The following CX3CR1 variants were observed in gnomAD, a reference collection of about 807,000 sequenced individuals.
The protein encoded by CX3CR1 is CX3C chemokine receptor 1.
For synonymous variants in CX3CR1, 168 were observed against 178.5 expected (o/e 0.94, Z 0.47); for missense variants, 363 against 432.4 (o/e 0.84, Z 1.42).
At chr3:39,284,963 G>A (rs892102539), upstream of CX3CR1, among the ~76,000 whole-genome samples, 2 of 152,152 alleles carry the variant, frequency 1.3e-5, no homozygotes, top group South Asian at 4.1e-4. Flanking sequence ...TTGACAAGTC[G>A]AAAGCAATAT....
the CX3CR1 span, among the ~76,000 whole-genome samples, chr3:39,292,857 G>A: frequency 6.6e-6 from 1 of 152,164 alleles, no homozygotes; most frequent in African/African-American, 2.4e-5. Flanking sequence ...GCACAAACTG[G>A]CATCTGTCTG....
intron 1 of CX3CR1, among the ~76,000 whole-genome samples, chr3:39,273,095 T>A (rs1319075641): frequency 6.6e-6 from 1 of 152,272 alleles, no homozygotes; most frequent in African/African-American, 2.4e-5. Flanking sequence ...CACAATGCTT[T>A]TCTCCCTGGA....
intron 1 of CX3CR1, among the ~76,000 whole-genome samples, chr3:39,269,255 A>G (rs575611870): frequency 6.6e-6 from 1 of 152,326 alleles, no homozygotes; most frequent in East Asian, 1.9e-4. Context: ...AAGGAAGGGA[A>G]AGTTAGAAAT....
At chr3:39,274,036 A>G (rs533646255) in intron 1 of CX3CR1, among the ~76,000 whole-genome samples, 1 of 152,320 alleles carries the variant, frequency 6.6e-6, no homozygotes, top group East Asian at 1.9e-4. Context: ...TGACACTTCT[A>G]CACTTCTGGG....
At chr3:39,271,741 C>A (rs1184314694) in intron 1 of CX3CR1, among the ~76,000 whole-genome samples, 2 of 152,172 alleles carry the variant, frequency 1.3e-5, no homozygotes, top group Non-Finnish European at 2.9e-5. Flanking sequence ...GTGAAGGCAC[C>A]ATTTACATAA....
chr3:39,289,276 C>T, the CX3CR1 span, among the ~76,000 whole-genome samples: 14 of 151,874 alleles, frequency 9.2e-5, no homozygotes, highest in African/African-American at 1.9e-4. Context: ...ATCTGTGTTC[C>T]GGGGATACAA....
upstream of CX3CR1, chr3:39,280,288 T>C: frequency 2.0e-6 from 2 of 985,608 alleles, no homozygotes; most frequent in Non-Finnish European, 1.2e-6. Flanking sequence ...GGCCCTGCAG[T>C]CAGCAAAGCA....
chr3:39,278,661 T>C (rs2040866080), intron 1 of CX3CR1, among the ~76,000 whole-genome samples: 2 of 147,670 alleles, frequency 1.4e-5, no homozygotes, highest in South Asian at 4.3e-4. Flanking sequence ...TTTTCTTTTT[T>C]TTTTTTTTTT....
chr3:39,292,254 C>T, the CX3CR1 span, among the ~76,000 whole-genome samples: 3 of 152,176 alleles, frequency 2.0e-5, no homozygotes, highest in African/African-American at 7.2e-5. Flanking sequence ...GAGATGAAGG[C>T]AGAGTTTACC....
chr3:39,274,702 G>C (rs986998995), intron 1 of CX3CR1, among the ~76,000 whole-genome samples: 6 of 151,974 alleles, frequency 3.9e-5, no homozygotes, highest in African/African-American at 7.2e-5. Context: ...AGATAGACTT[G>C]TTAATTGTTT....
chr3:39,289,736 T>G, the CX3CR1 span, among the ~76,000 whole-genome samples: 1 of 151,986 alleles, frequency 6.6e-6, no homozygotes, highest in Non-Finnish European at 1.5e-5. Flanking sequence ...AGGAGGTCAT[T>G]AAGGTTAAGT....
intron 1 of CX3CR1, among the ~76,000 whole-genome samples, chr3:39,267,681 C>G (rs2040722027): frequency 6.6e-6 from 1 of 152,218 alleles, no homozygotes; most frequent in Non-Finnish European, 1.5e-5. Flanking sequence ...CTGACTGATT[C>G]AAGATGGAGG....
chr3:39,282,074 C>G (rs1034622882), upstream of CX3CR1, among the ~76,000 whole-genome samples: 3 of 152,170 alleles, frequency 2.0e-5, no homozygotes, highest in Non-Finnish European at 4.4e-5. Context: ...AAGCAGTAAG[C>G]AAGTCGGTTA....
chr3:39,287,020 G>A, the CX3CR1 span: 1 of 152,212 alleles, frequency 6.6e-6, no homozygotes, highest in Non-Finnish European at 1.5e-5. Context: ...AGTGAATACA[G>A]GGAAGCCGGG....
At chr3:39,289,748 A>G in the CX3CR1 span, among the ~76,000 whole-genome samples, 1 of 152,156 alleles carries the variant, frequency 6.6e-6, no homozygotes, top group Non-Finnish European at 1.5e-5. Context: ...AGGTTAAGTG[A>G]GGTTATAAGA....
upstream of CX3CR1, among the ~76,000 whole-genome samples, chr3:39,281,957 G>A (rs1159677202): frequency 6.6e-6 from 1 of 152,192 alleles, no homozygotes; most frequent in Non-Finnish European, 1.5e-5. Context: ...TTGCCCCCAA[G>A]CCCCACAGAG....
chr3:39,283,882 A>G (rs115211204), upstream of CX3CR1, among the ~76,000 whole-genome samples: 1,991 of 140,508 alleles, frequency 0.014, 62 homozygotes, highest in African/African-American at 0.049. Flanking sequence ...AATAAATAAG[A>G]CCTAGTATTT....
At chr3:39,283,795 T>TTTTA (rs1553606448), upstream of CX3CR1, among the ~76,000 whole-genome samples, 65 of 65,268 alleles carry the variant, frequency 1.0e-3, no homozygotes, top group Non-Finnish European at 1.6e-3. Context: ...AAAAAAAAAA[T>TTTTA]TATATATATA....
At chr3:39,278,237 G>A (rs141757216) in intron 1 of CX3CR1, among the ~76,000 whole-genome samples, 1 of 152,326 alleles carries the variant, frequency 6.6e-6, no homozygotes, top group African/African-American at 2.4e-5. Flanking sequence ...CAGAGGTGTG[G>A]CAAGTGCCAG....
Sources: allele counts gnomAD v4.1 joint callset (sites outside exome capture counted in the v4.1 genomes callset), GRCh38; gene constraint gnomAD v4.1.1; transcripts MANE v1.5; gene names NCBI Gene and HGNC (gene_info 2026-07-23, HGNC 2026-07-21).